ZFHX3: variants seen among roughly 807,000 people sequenced by gnomAD.
ZFHX3 encodes zinc finger homeobox 3, also known as zinc finger homeobox protein 3.
In ZFHX3, 42 loss-of-function variants were observed where a neutral mutation model predicts 279.1. The observed-to-expected ratio is 0.15, with a 90% CI of 0.12 to 0.19. The LOEUF (loss-of-function observed/expected upper bound fraction) is 0.19. ZFHX3 is among the 10% of genes least tolerant of loss of function. The pLI is 1.00. For synonymous variants in ZFHX3, 2,293 were observed against 1,957.8 expected, an observed-to-expected ratio of 1.17 and a Z score of -4.52; for missense variants, 4,981 against 4,754.0, an observed-to-expected ratio of 1.05 and a Z score of -1.40.
At chr16:73,713,229 T>G (rs1227323804) in intron 1 of ZFHX3, among the ~76,000 whole-genome samples, 2 of 152,246 alleles carry the variant, frequency 1.3e-5, no homozygotes, top group Non-Finnish European at 2.9e-5. Flanking sequence ...CCAAGCTTTT[T>G]GTGAGGCCTC....
At chr16:72,888,894 G>A (rs1319119151) in intron 4 of ZFHX3, among the ~76,000 whole-genome samples, 3 of 152,180 alleles carry the variant, frequency 2.0e-5, no homozygotes, top group Admixed American at 1.3e-4. Flanking sequence ...ACAGTGTGGG[G>A]CCTAGGATGA....
chr16:73,287,759 G>A (rs1228255893), intron 4 of ZFHX3, among the ~76,000 whole-genome samples: 2 of 147,154 alleles, frequency 1.4e-5, no homozygotes, highest in African/African-American at 5.1e-5. Flanking sequence ...TTGGTGAGTG[G>A]CTGTGTGGGT....
intron 2 of ZFHX3, among the ~76,000 whole-genome samples, chr16:73,512,375 G>T (rs2019447002): frequency 6.6e-6 from 1 of 150,412 alleles, no homozygotes; most frequent in African/African-American, 2.4e-5. Context: ...TTGAACCTGG[G>T]AGGTGGAGGT....
At position 73,866,776 on chromosome 16, in the gene ZFHX3, C is replaced by T. The variant is rs115078164; in HGVS notation, c.-1608+24875G>A. Among the ~76,000 whole-genome samples the T allele has an allele frequency of 5.4e-3, 828 of 152,194 alleles. 6 individuals carry two copies. Among genetic ancestry groups the T allele is most frequent in the African/African-American group, 0.017 (693 of 41,530 alleles). The stretch of plus-strand genomic sequence containing the variant: ...TTGGGAGGTAAACACAGGAAGGACA[C>T]GTGAAGGAGTAGGAAAAGGGCAGAA... On this transcript the variant is annotated intron_variant, in intron 1 of 17. Coordinates refer to the ZFHX3 transcript ENST00000641206.
At chr16:73,877,791 TCA>T (rs2142408429) in intron 1 of ZFHX3, among the ~76,000 whole-genome samples, 1 of 152,190 alleles carries the variant, frequency 6.6e-6, no homozygotes, top group African/African-American at 2.4e-5. Context: ...CATGGAAGCC[TCA>T]CAGATAAAAA....
chr16:72,996,309 C>T (rs1042386103), intron 1 of ZFHX3, among the ~76,000 whole-genome samples: 6 of 152,106 alleles, frequency 3.9e-5, no homozygotes, highest in Admixed American at 2.6e-4. Context: ...TTAATTAATT[C>T]GTTCTTTTGC....
chr16:73,726,716 G>A (rs141077371), intron 1 of ZFHX3, among the ~76,000 whole-genome samples: 255 of 152,220 alleles, frequency 1.7e-3, no homozygotes, highest in African/African-American at 6.0e-3. Flanking sequence ...GGGAGGAGGA[G>A]GCGCCATACT....
chr16:73,496,693 A>G (rs1194615171), intron 2 of ZFHX3, among the ~76,000 whole-genome samples: 2 of 152,086 alleles, frequency 1.3e-5, no homozygotes, highest in Non-Finnish European at 2.9e-5. Context: ...ATTCTCCTCC[A>G]TATTCTGTGG....
At position 72,797,525 on chromosome 16, in the gene ZFHX3, A is replaced by T. The variant is rs772341732; in HGVS notation, c.5157T>A (p.Ile1719=). The T allele has an allele frequency of 3.1e-6, 5 of 1,613,738 alleles. No individual in the cohort carries two copies. Among genetic ancestry groups the T allele is most frequent in the Middle Eastern group, 1.6e-4 (1 of 6,080 alleles). ...EANRKKLADM[I]ASRQQQQQQQ... is the part of the protein sequence containing the mutation. ...GCTGTTGTTGCTGCTGCCTGGATGC[A>T]ATCATATCTGCCAGTTTCTTCCGAT... The change falls in exon 9 of 10, where the codon ATT becomes ATA. Residue 1719 remains isoleucine, a synonymous_variant. Transcript: ENST00000268489.
intron 4 of ZFHX3, among the ~76,000 whole-genome samples, chr16:72,878,929 C>T (rs899500677): frequency 2.6e-5 from 4 of 152,318 alleles, no homozygotes; most frequent in Non-Finnish European, 5.9e-5. Flanking sequence ...GGGAACCTAG[C>T]GACATGAGAC....
rs544904528 is a variant in ZFHX3 at position 72,785,633 on chromosome 16, A to C, written c.*1531T>G. On this transcript the variant is annotated 3_prime_UTR_variant, in exon 10 of 10. Coordinates refer to ENST00000268489, the MANE Select transcript of ZFHX3 (RefSeq NM_006885.4). ...TCTTTGGATTTTATTTAAAGCATGA[A>C]ATTTTTTTTTCTGAGAGAGGAAAGA... 3.3e-5 allele frequency: 5 copies of C among 152,550 alleles called. No homozygotes were observed. In the South Asian group the frequency reaches 1.0e-3, roughly 32 times the overall value. 9.4% of individuals were successfully genotyped at this position (152,550 alleles called of 1,614,324 possible).
chr16:73,250,718 T>C (rs2013461350), intron 5 of ZFHX3, among the ~76,000 whole-genome samples: 1 of 152,034 alleles, frequency 6.6e-6, no homozygotes, highest in Admixed American at 6.6e-5. Context: ...GTATTTTTAG[T>C]AGAGACGGGG....
intron 5 of ZFHX3, among the ~76,000 whole-genome samples, chr16:72,820,016 G>A (rs1288575457): frequency 6.6e-6 from 1 of 152,164 alleles, no homozygotes; most frequent in African/African-American, 2.4e-5. Context: ...GCTTCCCTCG[G>A]TCAGGCACCT....
intron 2 of ZFHX3, among the ~76,000 whole-genome samples, chr16:73,657,088 C>T (rs909128486): frequency 1.3e-5 from 2 of 152,200 alleles, no homozygotes; most frequent in African/African-American, 2.4e-5. Context: ...TACAAACATA[C>T]AAAAATGGCT....
intron 5 of ZFHX3, among the ~76,000 whole-genome samples, chr16:73,183,970 C>T (rs73595292): frequency 6.6e-6 from 1 of 152,086 alleles, no homozygotes; most frequent in Non-Finnish European, 1.5e-5. Flanking sequence ...CAATTTAGAA[C>T]TTTTGCCAGC....
chr16:72,891,754 C>T (rs542613134), intron 3 of ZFHX3, among the ~76,000 whole-genome samples: 11 of 152,264 alleles, frequency 7.2e-5, no homozygotes, highest in African/African-American at 2.2e-4. Context: ...CCTGTGATTA[C>T]GTGTCCTTCC....
At chr16:73,011,917 C>G (rs1293536373) in intron 1 of ZFHX3, among the ~76,000 whole-genome samples, 1 of 152,124 alleles carries the variant, frequency 6.6e-6, no homozygotes, top group African/African-American at 2.4e-5. Context: ...AGGTAAGTTT[C>G]TATCGAGGGG....
chr16:73,844,736 G>C (rs1290963996), intron 1 of ZFHX3, among the ~76,000 whole-genome samples: 2 of 151,688 alleles, frequency 1.3e-5, no homozygotes, highest in Admixed American at 1.3e-4. Context: ...ATGATAGGTA[G>C]ATGGATAGGT....
intron 5 of ZFHX3, chr16:73,232,420 C>T (rs1250551065): frequency 2.0e-5 from 3 of 152,238 alleles, no homozygotes; most frequent in Non-Finnish European, 4.4e-5. Context: ...AGGGACCCAG[C>T]TCTTGCTGGG....
Sources: gnomAD v4.1 joint callset for allele counts (sites outside exome capture counted in the v4.1 genomes callset) on GRCh38, gnomAD v4.1.1 for gene constraint, MANE v1.5 for transcripts, NCBI Gene and HGNC (gene_info 2026-07-23, HGNC 2026-07-21) for gene names.